The following MARCHF6 variants were observed in gnomAD, a reference collection of about 807,000 sequenced individuals.
MARCHF6 encodes the protein E3 ubiquitin-protein ligase MARCHF6.
A neutral mutation model predicts 133.7 loss-of-function variants in MARCHF6; 31 were observed. That is an observed-to-expected ratio of 0.23 (90% CI 0.17 to 0.31). The LOEUF is 0.31. Among genes scored for constraint, MARCHF6 ranks in the 10% least tolerant of loss-of-function variants. MARCHF6 has a pLI of 1.00. For missense variants in MARCHF6, 723 were observed against 1,121.6 expected, an observed-to-expected ratio of 0.64 and a Z score of 5.08; for synonymous variants, 395 against 402.5, an observed-to-expected ratio of 0.98 and a Z score of 0.22.
intron 1 of MARCHF6, among the ~76,000 whole-genome samples, chr5:10,369,067 T>C (rs1375060641): frequency 6.6e-6 from 1 of 152,200 alleles, no homozygotes; most frequent in Non-Finnish European, 1.5e-5. Context: ...ACTGCATGCT[T>C]CCACGCCCAT....
At position 10,390,484 on chromosome 5, in the gene MARCHF6, G is replaced by A. The variant is rs750831640; in HGVS notation, c.560G>A (p.Gly187Glu). The A allele has an allele frequency of 6.2e-7, 1 of 1,612,416 alleles. No homozygotes were observed. Residue 187 changes from glycine to glutamate, a missense_variant, in exon 6 of 26, where the codon GGG (glycine) becomes GAG (glutamate). By Grantham distance (98) the Gly-to-Glu change is moderately conservative (BLOSUM62 -2). Around this residue, in one of 4 missense-constraint regions of MARCHF6, gnomAD observed 97 missense variants for 115.4 expected, o/e 0.84. Coordinates refer to ENST00000274140, the MANE Select transcript of MARCHF6 (RefSeq NM_005885.4). ...GCTGCCCCACCGTTCAATGCTGCGG[G>A]GCATCACCAAAATGAGGTAACTCCC... is the stretch of plus-strand genomic sequence containing the variant. Reference protein sequence around the residue: ...EHAAPPFNAAGHHQNEAPAGG... With the variant: ...EHAAPPFNAAEHHQNEAPAGG...
chr5:10,401,107 A>AT, intron 11 of MARCHF6: 4 of 367,300 alleles, frequency 1.1e-5, no homozygotes, highest in Non-Finnish European at 2.0e-5. Flanking sequence ...CCACAGGCTG[A>AT]TTTTCTGTCC....
At position 10,438,481 on chromosome 5, in the gene MARCHF6, A is replaced by G. The variant is rs1740730089; in HGVS notation, c.*4797A>G. 6.6e-6 allele frequency: 1 copy of G among 152,346 alleles called. No individual in the cohort carries two copies. Among genetic ancestry groups the G allele is most frequent in the Middle Eastern group, 3.4e-3 (1 of 294 alleles). 9.4% of individuals were successfully genotyped at this position (152,346 alleles called of 1,614,324 possible). On this transcript the variant is annotated 3_prime_UTR_variant, in exon 26 of 26. Coordinates refer to ENST00000274140, the MANE Select transcript of MARCHF6 (RefSeq NM_005885.4). ...GAAATTTTTCAGCAAAGGAAATTGC[A>G]TGGTCAAGTTCAGAAACTGGCCATT... is the stretch of plus-strand genomic sequence containing the variant.
Position 10,403,555 on chromosome 5 carries a change from G to T in MARCHF6, c.1332+14G>T. On this transcript the variant is annotated intron_variant, in intron 15 of 25. Coordinates refer to ENST00000274140, the MANE Select transcript of MARCHF6 (RefSeq NM_005885.4). ...CTACTGAGAGAGGTAAGTCCACAGGGAAATGCTGATGCTGTACATTTATAA... is the reference window on the plus strand; with the variant it reads ...CTACTGAGAGAGGTAAGTCCACAGGTAAATGCTGATGCTGTACATTTATAA... The T allele has an allele frequency of 6.2e-7, 1 of 1,602,152 alleles. No individual in the cohort carries two copies. The highest frequency in any genetic ancestry group is 1.8e-5 in the Admixed American group (1 of 56,960).
At chr5:10,413,650 A>G (rs774278806) in intron 19 of MARCHF6, among the ~76,000 whole-genome samples, 4 of 152,208 alleles carry the variant, frequency 2.6e-5, no homozygotes, top group Non-Finnish European at 5.9e-5. Context: ...AGGCCTCACA[A>G]TCATGGTGGA....
chr5:10,377,865 T>A lies in MARCHF6; in HGVS notation c.87T>A (p.Thr29=), dbSNP rs1241585862. 6.2e-7 allele frequency: 1 copy of A among 1,612,812 alleles called. No homozygotes were observed. Among genetic ancestry groups the A allele is most frequent in the Admixed American group, 1.7e-5 (1 of 60,020 alleles). ...CGCTTTATCATCCTTGTGTATGTAC[T>A]GGCAGTATTAAGTTTATCCATCAAG... ...EKPLYHPCVC[T]GSIKFIHQEC... Residue 29 remains threonine, a synonymous_variant, in exon 2 of 26, where the codon ACT becomes ACA. Transcript: ENST00000274140.
In MARCHF6 at chr5:10,415,532, A is replaced by G. The variant is rs370893029; in HGVS notation, c.2011A>G (p.Lys671Glu). ...AATGTCGTTTTGGACGGGGACTGCCAAAATCCATGAGCTCTACACAGCTGC... is the reference window on the plus strand; with the variant it reads ...AATGTCGTTTTGGACGGGGACTGCCGAAATCCATGAGCTCTACACAGCTGC... ...WLMSFWTGTA[K>E]IHELYTAACG... is the part of the protein sequence containing the mutation. Residue 671 changes from lysine to glutamate, a missense_variant, in exon 21 of 26, where the codon AAA becomes GAA. Physicochemically the swap from Lys to Glu is moderately conservative, Grantham distance 56. This residue lies in a region of MARCHF6 where 492 missense variants were observed against 699.5 expected (regional missense o/e 0.70). Coordinates refer to ENST00000274140, the MANE Select transcript of MARCHF6 (RefSeq NM_005885.4). The G allele has an allele frequency of 1.9e-5, 31 of 1,606,560 alleles. No homozygotes were observed. Among genetic ancestry groups the G allele is most frequent in the Non-Finnish European group, 2.0e-5 (23 of 1,176,292 alleles).
At chr5:10,424,618 G>A (rs1048048327) in intron 23 of MARCHF6, among the ~76,000 whole-genome samples, 1 of 152,186 alleles carries the variant, frequency 6.6e-6, no homozygotes, top group African/African-American at 2.4e-5. Flanking sequence ...GTAGCTTACG[G>A]TATCTAGAAC....
intron 18 of MARCHF6, among the ~76,000 whole-genome samples, chr5:10,410,941 C>T (rs1414280857): frequency 6.6e-6 from 1 of 152,058 alleles, no homozygotes; most frequent in Non-Finnish European, 1.5e-5. Context: ...TTTTCTTTTC[C>T]TCCTGTAGAT....
At position 10,403,391 on chromosome 5, in the gene MARCHF6, T is replaced by C. The variant is rs757138473; in HGVS notation, c.1198-16T>C. The C allele has an allele frequency of 6.8e-6, 11 of 1,607,554 alleles. No homozygotes were observed. The highest frequency in any genetic ancestry group is 8.5e-6 in the Non-Finnish European group (10 of 1,177,696). On this transcript the variant is annotated splice_polypyrimidine_tract_variant and intron_variant, in intron 14 of 25. Transcript: ENST00000274140. The stretch of plus-strand genomic sequence containing the variant: ...AGGGGGCACAGATTTCTCTTACCTG[T>C]CCTCTTTTGTCTCAGGAAATGTTTG...
chr5:10,354,209 C>T (rs1246038578), intron 1 of MARCHF6, among the ~76,000 whole-genome samples: 1 of 152,116 alleles, frequency 6.6e-6, no homozygotes, highest in Non-Finnish European at 1.5e-5. Flanking sequence ...TTGTCCCCGC[C>T]GTCGCGCGCT....
At chr5:10,411,276 T>C (rs1327413163) in intron 18 of MARCHF6, 57 bp from the exon 19 acceptor site, 2 of 1,341,624 alleles carry the variant, frequency 1.5e-6, no homozygotes, top group Admixed American at 3.4e-5. Context: ...GAGTGTCATG[T>C]CTGCCATTTT....
At chr5:10,412,154 T>C (rs1417786284) in intron 19 of MARCHF6, among the ~76,000 whole-genome samples, 1 of 152,260 alleles carries the variant, frequency 6.6e-6, no homozygotes, top group South Asian at 2.1e-4. Context: ...ACATTTCTTT[T>C]TTTGTAAAAA....
At chr5:10,424,541 G>C (rs187702912) in intron 23 of MARCHF6, among the ~76,000 whole-genome samples, 16 of 152,276 alleles carry the variant, frequency 1.1e-4, no homozygotes, top group African/African-American at 3.6e-4. Flanking sequence ...GGCATATTGT[G>C]GTTTTCTATA....
intron 23 of MARCHF6, among the ~76,000 whole-genome samples, chr5:10,425,061 A>G (rs560956768): frequency 1.3e-5 from 2 of 152,256 alleles, no homozygotes; most frequent in African/African-American, 4.8e-5. Flanking sequence ...TAAGTAAGAC[A>G]TAACAGTTCT....
intron 17 of MARCHF6, 115 bp from the exon 18 acceptor site, chr5:10,410,023 AG>A (rs1297769127): frequency 3.7e-6 from 4 of 1,076,750 alleles, no homozygotes. Context: ...AGAGAATGAA[AG>A]GAGAGGTAAT....
At chr5:10,416,436 G>A (rs945926113) in intron 21 of MARCHF6, among the ~76,000 whole-genome samples, 25 of 152,242 alleles carry the variant, frequency 1.6e-4, no homozygotes, top group Non-Finnish European at 7.4e-5. Context: ...ATATTATGGA[G>A]GGGTATAATT....
intron 22 of MARCHF6, among the ~76,000 whole-genome samples, chr5:10,421,637 A>G (rs529042155): frequency 6.6e-6 from 1 of 152,242 alleles, no homozygotes; most frequent in East Asian, 1.9e-4. Context: ...GTTTTTGGAG[A>G]ACGCGAATCA....
intron 4 of MARCHF6, among the ~76,000 whole-genome samples, chr5:10,384,982 G>T (rs1737379104): frequency 6.6e-6 from 1 of 152,158 alleles, no homozygotes. Flanking sequence ...ATACATCGTG[G>T]TTTATTCATG....
Sources: allele counts gnomAD v4.1 joint callset (sites outside exome capture counted in the v4.1 genomes callset), GRCh38; gene constraint gnomAD v4.1.1; regional missense constraint gnomAD v4.1.1; transcripts MANE v1.5; gene names NCBI Gene and HGNC (gene_info 2026-07-23, HGNC 2026-07-21).